Variants in PELI2 observed in about 807,000 individuals in gnomAD.
PELI2 encodes the protein E3 ubiquitin-protein ligase pellino homolog 2.
In PELI2, 23 loss-of-function variants were observed where a neutral mutation model predicts 42.3. The ratio of observed to expected loss-of-function variants is 0.54; its 90% CI spans 0.39 to 0.77. The LOEUF is 0.77. PELI2 is among the 30% of genes least tolerant of loss of function. The probability of loss-of-function intolerance (pLI) is 0.00; values close to 1 mark genes in which losing one functional copy is unlikely to be tolerated. For missense variants in PELI2, 463 were observed against 553.2 expected (o/e 0.84, Z 1.64); for synonymous variants, 245 against 212.2 (o/e 1.15, Z -1.34).
chr14:56,127,774 C>G (rs1313588802), intron 1 of PELI2, among the ~76,000 whole-genome samples: 2 of 152,146 alleles, frequency 1.3e-5, no homozygotes, highest in Non-Finnish European at 2.9e-5. Flanking sequence ...TCCCCAGATT[C>G]TGTTTGGGGA....
rs184473134 is a variant in PELI2, at chr14:56,236,453, G to A, written c.208-43223G>A. 4.6e-5 allele frequency among the ~76,000 whole-genome samples: 7 copies of A among 152,340 alleles called. No individual in the cohort carries two copies. In the East Asian group the frequency reaches 1.2e-3, roughly 25 times the overall value. ...TATCCAGACTTCTAGCTGGCTTTGA[G>A]TATTGTGTGTGTGATGCATGCATAT... On this transcript the variant is annotated intron_variant, in intron 2 of 5. Coordinates refer to ENST00000267460, the MANE Select transcript of PELI2 (RefSeq NM_021255.3).
At chr14:56,150,169 T>C (rs1290501700) in intron 1 of PELI2, among the ~76,000 whole-genome samples, 1 of 152,244 alleles carries the variant, frequency 6.6e-6, no homozygotes, top group African/African-American at 2.4e-5. Flanking sequence ...GGAAATACTG[T>C]GGGGATTAAG....
At chr14:56,163,066 G>T (rs536846026) in intron 1 of PELI2, among the ~76,000 whole-genome samples, 1 of 151,948 alleles carries the variant, frequency 6.6e-6, no homozygotes, top group South Asian at 2.1e-4. Context: ...TGTATCCTTT[G>T]CTGTGCAGAA....
intron 1 of PELI2, among the ~76,000 whole-genome samples, chr14:56,142,665 A>G (rs72714350): frequency 0.17 from 25,110 of 145,530 alleles, 2,636 homozygotes; most frequent in Non-Finnish European, 0.24. Flanking sequence ...GTAAATAAAT[A>G]GGATGAGGTT....
intron 2 of PELI2, among the ~76,000 whole-genome samples, chr14:56,217,398 C>T (rs1217052487): frequency 6.6e-6 from 1 of 152,196 alleles, no homozygotes; most frequent in Non-Finnish European, 1.5e-5. Flanking sequence ...ATCAGGTGTG[C>T]AGAGACCATT....
At chr14:56,214,283 G>C (rs1886818948) in intron 2 of PELI2, among the ~76,000 whole-genome samples, 1 of 152,158 alleles carries the variant, frequency 6.6e-6, no homozygotes, top group Non-Finnish European at 1.5e-5. Context: ...AGGGGAGAGA[G>C]GGTAGAGCCC....
At chr14:56,143,406 A>G (rs2139607302) in intron 1 of PELI2, among the ~76,000 whole-genome samples, 1 of 152,336 alleles carries the variant, frequency 6.6e-6, no homozygotes, top group East Asian at 1.9e-4. Flanking sequence ...TGTAATTGAT[A>G]AATATCTTGG....
chr14:56,168,282 G>A (rs1212561698), intron 1 of PELI2, among the ~76,000 whole-genome samples: 2 of 152,152 alleles, frequency 1.3e-5, no homozygotes, highest in African/African-American at 4.8e-5. Context: ...CAGACCCTGG[G>A]TGGGTCCAAA....
At chr14:56,270,248 A>C (rs954713687) in intron 2 of PELI2, among the ~76,000 whole-genome samples, 1 of 152,222 alleles carries the variant, frequency 6.6e-6, no homozygotes, top group Non-Finnish European at 1.5e-5. Context: ...GATGAAATCC[A>C]AGTTAGCACT....
intron 2 of PELI2, among the ~76,000 whole-genome samples, chr14:56,198,010 A>ACCCC (rs1555346656): frequency 0.013 from 1,476 of 114,690 alleles, 40 homozygotes; most frequent in East Asian, 0.12. Flanking sequence ...ACACACACAC[A>ACCCC]CACCCACCTC....
chr14:56,292,485 G>A (rs77059248), intron 5 of PELI2, among the ~76,000 whole-genome samples: 3,359 of 152,258 alleles, frequency 0.022, 109 homozygotes, highest in African/African-American at 0.075. Context: ...TTATCTGGAG[G>A]TTAGATTTTG....
intron 2 of PELI2, among the ~76,000 whole-genome samples, chr14:56,188,370 A>G (rs1885845130): frequency 6.6e-6 from 1 of 151,874 alleles, no homozygotes; most frequent in Non-Finnish European, 1.5e-5. Flanking sequence ...TTTATGTATC[A>G]GGTGTGCTTG....
intron 2 of PELI2, among the ~76,000 whole-genome samples, chr14:56,184,589 A>G (rs562155987): frequency 1.2e-4 from 19 of 152,250 alleles, no homozygotes; most frequent in Middle Eastern, 3.4e-3. Context: ...AATGAAACAG[A>G]ACAATCCAAT....
chr14:56,216,714 G>T (rs1428988448), intron 2 of PELI2, among the ~76,000 whole-genome samples: 1 of 152,222 alleles, frequency 6.6e-6, no homozygotes, highest in Non-Finnish European at 1.5e-5. Context: ...TGTAGGCAAA[G>T]GCTGTGTTCA....
intron 1 of PELI2, among the ~76,000 whole-genome samples, chr14:56,166,697 T>A (rs1884976560): frequency 6.6e-6 from 1 of 152,258 alleles, no homozygotes; most frequent in South Asian, 2.1e-4. Flanking sequence ...TACTCTTCTC[T>A]GGCCTCTGAG....
In PELI2 at chr14:56,273,992, C is replaced by G. The variant is rs959677675; in HGVS notation, c.208-5684C>G. ...CGTTGCAAGGTGGTCTACTTCAGCTCCAAACATCATGTCATATTTTAGTGA... is the reference window on the plus strand; with the variant it reads ...CGTTGCAAGGTGGTCTACTTCAGCTGCAAACATCATGTCATATTTTAGTGA... On this transcript the variant is annotated intron_variant, in intron 2 of 5. Transcript: ENST00000267460. The surrounding 1 kb of genome is among the most constrained non-coding windows in gnomAD (Gnocchi z 4.3). Among the ~76,000 whole-genome samples the G allele has an allele frequency of 1.3e-5, 2 of 152,142 alleles. No homozygotes were observed. Among genetic ancestry groups the G allele is most frequent in the African/African-American group, 2.4e-5 (1 of 41,430 alleles).
At chr14:56,242,732 C>G (rs1392350102) in intron 2 of PELI2, among the ~76,000 whole-genome samples, 1 of 152,208 alleles carries the variant, frequency 6.6e-6, no homozygotes, top group Non-Finnish European at 1.5e-5. Context: ...GACCATTATT[C>G]TAAGTGAAGT....
At position 56,234,005 on chromosome 14, in the gene PELI2, C is replaced by T. The variant is rs576440848; in HGVS notation, c.208-45671C>T. Among the ~76,000 whole-genome samples the T allele has an allele frequency of 3.3e-5, 5 of 152,300 alleles. No homozygotes were observed. The East Asian group carries it at 9.6e-4, about 29-fold the overall frequency. On this transcript the variant is annotated intron_variant, in intron 2 of 5. Transcript: ENST00000267460. Reference sequence around the variant, plus strand: ...GCCAACGGACACATGAAAAAATGCTCATCATCACTGGCCATCAGAGAAATG... The same window carrying T: ...GCCAACGGACACATGAAAAAATGCTTATCATCACTGGCCATCAGAGAAATG...
At chr14:56,140,230 T>G (rs1467720581) in intron 1 of PELI2, among the ~76,000 whole-genome samples, 3 of 152,186 alleles carry the variant, frequency 2.0e-5, no homozygotes, top group African/African-American at 7.2e-5. Flanking sequence ...TCGTCAGGAC[T>G]TGTAAAGAAT....
Sources: gnomAD v4.1 joint callset for allele counts (sites outside exome capture counted in the v4.1 genomes callset) on GRCh38, gnomAD v4.1.1 for gene constraint, Gnocchi (gnomAD v3.1) non-coding constraint, MANE v1.5 for transcripts, NCBI Gene and HGNC (gene_info 2026-07-23, HGNC 2026-07-21) for gene names.